The following PTPRD variants were observed in gnomAD, a reference collection of about 807,000 sequenced individuals.
The protein encoded by PTPRD is receptor-type tyrosine-protein phosphatase delta.
Under a neutral mutation model 214.5 loss-of-function variants are expected in PTPRD, and 34 were observed. The observed-to-expected ratio is 0.16, with a 90% CI of 0.12 to 0.21. PTPRD has a LOEUF of 0.21. Ranked by LOEUF, PTPRD falls within the 10% of genes least tolerant of loss-of-function variation. The pLI is 1.00. For synonymous variants in PTPRD, 1,128 were observed against 845.7 expected (o/e 1.33, Z -5.79); for missense variants, 2,545 against 2,398.7 (o/e 1.06, Z -1.27).
chr9:10,426,726 C>T (rs946992825), intron 2 of PTPRD, among the ~76,000 whole-genome samples: 1 of 152,020 alleles, frequency 6.6e-6, no homozygotes, highest in Admixed American at 6.6e-5. Context: ...CTGAAGTGGA[C>T]TATAGTTTTT....
At chr9:8,385,399 A>T (rs933716414) in intron 37 of PTPRD, among the ~76,000 whole-genome samples, 2 of 152,146 alleles carry the variant, frequency 1.3e-5, no homozygotes, top group African/African-American at 2.4e-5. Context: ...GGTGCTGTGC[A>T]CCTGTAGTCC....
chr9:9,303,757 C>A (rs951283257), intron 9 of PTPRD, among the ~76,000 whole-genome samples: 3 of 152,100 alleles, frequency 2.0e-5, no homozygotes, highest in Admixed American at 6.6e-5. Context: ...AACCAAGATA[C>A]AGTAATCACT....
intron 10 of PTPRD, among the ~76,000 whole-genome samples, chr9:9,133,629 T>A (rs2099846235): frequency 6.6e-6 from 1 of 152,216 alleles, no homozygotes; most frequent in African/African-American, 2.4e-5. Flanking sequence ...ATGTGAGTAC[T>A]GTGTCAAAAT....
intron 3 of PTPRD, among the ~76,000 whole-genome samples, chr9:10,062,938 G>A (rs417576): frequency 0.17 from 25,127 of 151,964 alleles, 4,655 homozygotes; most frequent in African/African-American, 0.46. Context: ...AGATGAAATA[G>A]TTTGTCTTAT....
intron 3 of PTPRD, among the ~76,000 whole-genome samples, chr9:10,071,908 G>GT (rs2098026597): frequency 1.3e-5 from 2 of 151,390 alleles, no homozygotes; most frequent in East Asian, 3.9e-4. Context: ...AATTTTTTTC[G>GT]TTTTTTTAAA....
intron 24 of PTPRD, 39 bp from the exon 25 acceptor site, chr9:8,499,879 T>C (rs749910970): frequency 1.3e-6 from 2 of 1,549,420 alleles, no homozygotes; most frequent in East Asian, 2.3e-5. Context: ...TTATAGGCAC[T>C]TGTCCCACCC....
chr9:8,897,787 G>A (rs2098632330), intron 11 of PTPRD, among the ~76,000 whole-genome samples: 1 of 152,144 alleles, frequency 6.6e-6, no homozygotes, highest in Non-Finnish European at 1.5e-5. Flanking sequence ...ATAAACATTT[G>A]ATTCCTTGTC....
At chr9:8,758,230 T>TA (rs2094154878) in intron 11 of PTPRD, among the ~76,000 whole-genome samples, 1 of 152,188 alleles carries the variant, frequency 6.6e-6, no homozygotes, top group Non-Finnish European at 1.5e-5. Flanking sequence ...TTCCACAAGA[T>TA]AATCATGCCC....
chr9:10,052,726 A>G (rs1031789505), intron 3 of PTPRD, among the ~76,000 whole-genome samples: 1 of 152,150 alleles, frequency 6.6e-6, no homozygotes, highest in Admixed American at 6.5e-5. Context: ...CTCCTGAAAC[A>G]TCACAAACTT....
At chr9:9,814,395 AC>A (rs1054166538) in intron 5 of PTPRD, among the ~76,000 whole-genome samples, 4 of 152,026 alleles carry the variant, frequency 2.6e-5, no homozygotes, top group South Asian at 2.1e-4. Flanking sequence ...AAAACCCTCA[AC>A]CCCCCACTAT....
intron 2 of PTPRD, among the ~76,000 whole-genome samples, chr9:10,368,801 A>C (rs1389905987): frequency 2.0e-5 from 3 of 152,144 alleles, no homozygotes; most frequent in African/African-American, 7.2e-5. Context: ...ATGGAAAGAC[A>C]TATGGCAAAT....
At chr9:9,002,816 T>A (rs1350093020) in intron 11 of PTPRD, among the ~76,000 whole-genome samples, 2 of 152,082 alleles carry the variant, frequency 1.3e-5, no homozygotes, top group East Asian at 3.9e-4. Flanking sequence ...ATTGGAGCCC[T>A]GCTCATTGCA....
chr9:8,460,258 C>T, intron 33 of PTPRD, 153 bp downstream of exon 33: 1 of 915,940 alleles, frequency 1.1e-6, no homozygotes, highest in Non-Finnish European at 1.8e-6. Context: ...ACATTTTGAT[C>T]TTACTGTAAT....
chr9:9,937,676 G>A (rs1282450700), intron 5 of PTPRD, among the ~76,000 whole-genome samples: 1 of 152,022 alleles, frequency 6.6e-6, no homozygotes, highest in Non-Finnish European at 1.5e-5. Context: ...TATAGCATTT[G>A]TCCTAGTACT....
In PTPRD at chr9:9,382,332, A is replaced by G. The variant is rs1023865839; in HGVS notation, c.-203+15117T>C. 2.6e-5 allele frequency among the ~76,000 whole-genome samples: 4 copies of G among 152,136 alleles called. No homozygotes were observed. The South Asian group carries it at 6.2e-4, about 24-fold the overall frequency. On this transcript the variant is annotated intron_variant, in intron 9 of 45. Transcript: ENST00000381196. ...AATGACATTTTGGATATGATAACAA[A>G]AGCAGAGGCAACAAAGCTTATGCAC... is the stretch of plus-strand genomic sequence containing the variant.
intron 8 of PTPRD, among the ~76,000 whole-genome samples, chr9:9,408,160 C>T (rs928475): frequency 0.87 from 131,411 of 151,704 alleles, 57,061 homozygotes; most frequent in African/African-American, 0.88. Context: ...TGAATCATTA[C>T]TGATGCTTCT....
In PTPRD at chr9:10,152,041, A is replaced by G. The variant is rs180947209; in HGVS notation, c.-544-118251T>C. Among the ~76,000 whole-genome samples the G allele has an allele frequency of 9.6e-4, 147 of 152,332 alleles. 1 individual carries two copies. The highest frequency in any genetic ancestry group is 3.2e-3 in the African/African-American group (133 of 41,580). ...TTTAGGGAATATGTTTGTATTTTAC[A>G]TTCATAAATACCTAGGGTTGGGATT... On this transcript the variant is annotated intron_variant, in intron 3 of 45. Coordinates refer to ENST00000381196, the MANE Select transcript of PTPRD (RefSeq NM_002839.4).
chr9:9,756,111 CCTT>C (rs2098572171), intron 6 of PTPRD, among the ~76,000 whole-genome samples: 1 of 152,016 alleles, frequency 6.6e-6, no homozygotes, highest in South Asian at 2.1e-4. Context: ...AAAACTCCCT[CCTT>C]CTTTCAACAC....
intron 8 of PTPRD, chr9:9,442,255 C>T (rs1373007005): frequency 1.3e-5 from 2 of 152,160 alleles, no homozygotes; most frequent in East Asian, 3.9e-4. Context: ...CGGCCCAGGT[C>T]GGAAACGGAG....
Sources: gnomAD v4.1 joint callset for allele counts (sites outside exome capture counted in the v4.1 genomes callset) on GRCh38, gnomAD v4.1.1 for gene constraint, MANE v1.5 for transcripts, NCBI Gene and HGNC (gene_info 2026-07-23, HGNC 2026-07-21) for gene names.